Variants in THSD7B observed in about 807,000 individuals in gnomAD.
The protein encoded by THSD7B is thrombospondin type-1 domain-containing protein 7B.
A neutral mutation model predicts 213.6 loss-of-function variants in THSD7B; 138 were observed. That is an observed-to-expected ratio of 0.65 (90% CI 0.56 to 0.74). The LOEUF (loss-of-function observed/expected upper bound fraction) is 0.74, where lower values mean the gene tolerates loss of function less well. THSD7B is among the 30% of genes least tolerant of loss of function. The pLI is 0.00. For missense variants in THSD7B, 1,931 were observed against 1,991.5 expected, an observed-to-expected ratio of 0.97 and a Z score of 0.58; for synonymous variants, 742 against 687.0, an observed-to-expected ratio of 1.08 and a Z score of -1.25.
At chr2:136,970,811 T>C (rs1172816665) in intron 2 of THSD7B, among the ~76,000 whole-genome samples, 1 of 151,946 alleles carries the variant, frequency 6.6e-6, no homozygotes, top group Non-Finnish European at 1.5e-5. Context: ...AGAAAGAGAG[T>C]GAAAAATGCA....
intron 20 of THSD7B, among the ~76,000 whole-genome samples, chr2:137,634,702 A>T (rs1334417800): frequency 2.0e-5 from 3 of 152,214 alleles, no homozygotes; most frequent in Admixed American, 2.0e-4. Context: ...GTATAGTCAG[A>T]ATAGGGAATT....
At chr2:137,415,883 G>A (rs1264814747) in intron 14 of THSD7B, among the ~76,000 whole-genome samples, 1 of 151,640 alleles carries the variant, frequency 6.6e-6, no homozygotes, top group Non-Finnish European at 1.5e-5. Flanking sequence ...TTTTTTCATA[G>A]CACTTAATCA....
In THSD7B at chr2:136,943,316, A is replaced by G. The variant is rs188252317; in HGVS notation, c.139+60999A>G. On this transcript the variant is annotated intron_variant, in intron 2 of 27. Coordinates refer to ENST00000409968, the MANE Select transcript of THSD7B (RefSeq NM_001316349.2). ...GTTGAGGATTTTTGCATCAATGTTCATCAGGGATATTGGTCTAAAATTCTC... is the reference window on the plus strand; with the variant it reads ...GTTGAGGATTTTTGCATCAATGTTCGTCAGGGATATTGGTCTAAAATTCTC... Among the ~76,000 whole-genome samples, 26 of 152,316 alleles carry G rather than the reference A, an allele frequency of 1.7e-4. 1 individual carries two copies. Among genetic ancestry groups the G allele is most frequent in the Admixed American group, 5.2e-4 (8 of 15,302 alleles).
At chr2:137,106,356 A>G (rs1688251117) in intron 4 of THSD7B, among the ~76,000 whole-genome samples, 1 of 152,220 alleles carries the variant, frequency 6.6e-6, no homozygotes, top group African/African-American at 2.4e-5. Flanking sequence ...CAGAAAACTG[A>G]AACTGGACCC....
rs538679132 is a variant in THSD7B, at chr2:137,315,830, G to A, written c.2500+39804G>A. Among the ~76,000 whole-genome samples, 3 of 152,282 alleles carry A rather than the reference G, an allele frequency of 2.0e-5. No homozygotes were observed. In the South Asian group the frequency reaches 6.2e-4, roughly 32 times the overall value. The stretch of plus-strand genomic sequence containing the variant: ...CTGCCTGTTGTAATTTCTCATGTTA[G>A]AATCTCTGCCTGTGCCATTTTACTG... On this transcript the variant is annotated intron_variant, in intron 12 of 27. Coordinates refer to ENST00000409968, the MANE Select transcript of THSD7B (RefSeq NM_001316349.2).
chr2:137,402,316 A>G (rs1686388188), intron 12 of THSD7B, among the ~76,000 whole-genome samples: 1 of 152,164 alleles, frequency 6.6e-6, no homozygotes, highest in Non-Finnish European at 1.5e-5. Flanking sequence ...CTCTATAGCT[A>G]TTCTTTCTTA....
chr2:136,982,395 C>T (rs191704935), intron 2 of THSD7B, among the ~76,000 whole-genome samples: 2 of 152,018 alleles, frequency 1.3e-5, no homozygotes, highest in Admixed American at 6.6e-5. Context: ...GAACCCTGGG[C>T]ACAGGGGATC....
At chr2:136,847,756 C>A (rs1683034612) in intron 1 of THSD7B, among the ~76,000 whole-genome samples, 1 of 152,110 alleles carries the variant, frequency 6.6e-6, no homozygotes, top group Admixed American at 6.6e-5. Flanking sequence ...AGCATGTAAG[C>A]AGAACTTTGT....
chr2:136,855,286 T>G (rs1281436057), intron 1 of THSD7B, among the ~76,000 whole-genome samples: 1 of 152,166 alleles, frequency 6.6e-6, no homozygotes, highest in African/African-American at 2.4e-5. Context: ...TCAGATCATA[T>G]CACCTTTCTA....
At chr2:137,203,283 T>G (rs976006218) in intron 7 of THSD7B, among the ~76,000 whole-genome samples, 2 of 152,128 alleles carry the variant, frequency 1.3e-5, no homozygotes, top group African/African-American at 4.8e-5. Context: ...CTTAATGGTA[T>G]TTTAAATACC....
chr2:137,468,759 G>A (rs10166687), intron 15 of THSD7B, among the ~76,000 whole-genome samples: 4 of 151,988 alleles, frequency 2.6e-5, no homozygotes, highest in African/African-American at 2.4e-5. Context: ...TTCAGATTCC[G>A]TTTTTGGCCT....
intron 1 of THSD7B, among the ~76,000 whole-genome samples, chr2:136,877,256 A>C (rs944364522): frequency 1.3e-5 from 2 of 152,226 alleles, no homozygotes; most frequent in Admixed American, 1.3e-4. Context: ...CCTTAGAATA[A>C]ACTATAATTT....
At chr2:137,425,359 G>C (rs1436603411) in intron 14 of THSD7B, among the ~76,000 whole-genome samples, 1 of 151,890 alleles carries the variant, frequency 6.6e-6, no homozygotes, top group Admixed American at 6.6e-5. Flanking sequence ...TGGGATTACA[G>C]GCATGCACCA....
chr2:137,400,702 C>A (rs1686334520), intron 12 of THSD7B, among the ~76,000 whole-genome samples: 1 of 152,092 alleles, frequency 6.6e-6, no homozygotes, highest in African/African-American at 2.4e-5. Context: ...GCCTCCAGAC[C>A]AGTAGGTGGC....
rs564358150 is a variant in THSD7B at position 136,831,568 on chromosome 2, A to C, written c.-35-50576A>C. On this transcript the variant is annotated intron_variant, in intron 1 of 27. Coordinates refer to ENST00000409968, the MANE Select transcript of THSD7B (RefSeq NM_001316349.2). The stretch of plus-strand genomic sequence containing the variant: ...TAAAGAGGTATTCTCCAAAATGCAC[A>C]ACAAGGCCATTTCTCTATGGCAAAG... Among the ~76,000 whole-genome samples, 9 of 152,354 alleles carry C rather than the reference A, an allele frequency of 5.9e-5. No individual in the cohort carries two copies. In the East Asian group the frequency reaches 1.7e-3, roughly 29 times the overall value.
At chr2:137,130,351 C>T (rs1306282939) in intron 5 of THSD7B, among the ~76,000 whole-genome samples, 43 of 151,970 alleles carry the variant, frequency 2.8e-4, no homozygotes, top group East Asian at 5.8e-4. Context: ...TTACTAAAAT[C>T]CTTACTTTTC....
At chr2:136,972,596 G>A (rs1279270777) in intron 2 of THSD7B, among the ~76,000 whole-genome samples, 1 of 152,108 alleles carries the variant, frequency 6.6e-6, no homozygotes, top group Admixed American at 6.6e-5. Flanking sequence ...TTGTTGAAAT[G>A]TATTTAGGTT....
At chr2:137,495,418 C>T (rs1431119745) in intron 15 of THSD7B, among the ~76,000 whole-genome samples, 1 of 152,114 alleles carries the variant, frequency 6.6e-6, no homozygotes, top group Non-Finnish European at 1.5e-5. Context: ...TTAACTCCCT[C>T]AATCTATCAC....
chr2:137,204,598 T>C (rs1680943649), intron 7 of THSD7B, among the ~76,000 whole-genome samples: 1 of 152,148 alleles, frequency 6.6e-6, no homozygotes, highest in Admixed American at 6.6e-5. Context: ...AAGGACACCA[T>C]TTCAGAAATG....
Sources: gnomAD v4.1 joint callset for allele counts (sites outside exome capture counted in the v4.1 genomes callset) on GRCh38, gnomAD v4.1.1 for gene constraint, MANE v1.5 for transcripts, NCBI Gene and HGNC (gene_info 2026-07-23, HGNC 2026-07-21) for gene names.